The following LRP1B variants were observed in gnomAD, a reference collection of about 807,000 sequenced individuals.
LRP1B encodes the protein low-density lipoprotein receptor-related protein 1B.
In LRP1B, 217 loss-of-function variants were observed where a neutral mutation model predicts 556.6. The observed-to-expected ratio is 0.39, with a 90% CI of 0.35 to 0.44. The LOEUF (loss-of-function observed/expected upper bound fraction) is 0.44, where lower values mean the gene tolerates loss of function less well. Among genes scored for constraint, LRP1B ranks in the 20% least tolerant of loss-of-function variants. The probability of loss-of-function intolerance (pLI) is 1.00; values close to 1 mark genes in which losing one functional copy is unlikely to be tolerated. For synonymous variants in LRP1B, 2,047 were observed against 1,865.8 expected (o/e 1.10, Z -2.50); for missense variants, 5,053 against 5,620.8 (o/e 0.90, Z 3.23).
At chr2:141,261,184 G>A (rs547449805) in intron 3 of LRP1B, among the ~76,000 whole-genome samples, 109 of 152,194 alleles carry the variant, frequency 7.2e-4, no homozygotes, top group Non-Finnish European at 1.4e-3. Flanking sequence ...AGTGTGAGCT[G>A]GTTTGCAGAG....
chr2:140,902,104 T>C (rs960029692), intron 23 of LRP1B, among the ~76,000 whole-genome samples: 9 of 152,298 alleles, frequency 5.9e-5, no homozygotes, highest in African/African-American at 2.2e-4. Context: ...AATGGAAAGA[T>C]ATGCTAACTT....
At chr2:140,944,378 A>G (rs1424405090) in intron 20 of LRP1B, among the ~76,000 whole-genome samples, 1 of 152,132 alleles carries the variant, frequency 6.6e-6, no homozygotes, top group Non-Finnish European at 1.5e-5. Context: ...AAGCTATTCC[A>G]AAAAACTGCA....
chr2:141,308,845 C>A (rs1181892440), intron 3 of LRP1B, among the ~76,000 whole-genome samples: 4 of 152,020 alleles, frequency 2.6e-5, no homozygotes, highest in Non-Finnish European at 5.9e-5. Flanking sequence ...ACCAAATAGC[C>A]TTTTTGTCCC....
At chr2:141,041,553 T>G (rs1369666729) in intron 11 of LRP1B, among the ~76,000 whole-genome samples, 1 of 152,056 alleles carries the variant, frequency 6.6e-6, no homozygotes, top group African/African-American at 2.4e-5. Context: ...TAAATTTCCT[T>G]GTGATTACAT....
At chr2:142,032,189 C>T (rs1703734413) in intron 1 of LRP1B, among the ~76,000 whole-genome samples, 1 of 151,836 alleles carries the variant, frequency 6.6e-6, no homozygotes. Flanking sequence ...CAGGTAGAAA[C>T]CAACTCATCT....
intron 1 of LRP1B, among the ~76,000 whole-genome samples, chr2:141,976,417 A>T (rs1282648655): frequency 6.6e-6 from 1 of 152,138 alleles, no homozygotes; most frequent in East Asian, 1.9e-4. Flanking sequence ...TCATTTACTC[A>T]AATTTCAATT....
chr2:141,671,557 G>A (rs1444424065), intron 2 of LRP1B, among the ~76,000 whole-genome samples: 1 of 152,090 alleles, frequency 6.6e-6, no homozygotes, highest in Non-Finnish European at 1.5e-5. Flanking sequence ...CTAAGGGTGG[G>A]GATTGGGTGT....
At chr2:140,645,756 T>G (rs1008243185) in intron 41 of LRP1B, among the ~76,000 whole-genome samples, 17 of 151,852 alleles carry the variant, frequency 1.1e-4, no homozygotes, top group Non-Finnish European at 2.5e-4. Context: ...GCCAGGATGG[T>G]CTTGATCTCC....
chr2:141,822,122 C>CAGAGAGAGAGAG (rs1427035383), intron 1 of LRP1B, among the ~76,000 whole-genome samples: 102 of 106,290 alleles, frequency 9.6e-4, no homozygotes, highest in Admixed American at 1.0e-3. Flanking sequence ...CACACACACA[C>CAGAGAGAGAGAG]ACACACACAG....
intron 2 of LRP1B, among the ~76,000 whole-genome samples, chr2:141,538,845 G>A (rs1389672743): frequency 6.6e-6 from 1 of 151,998 alleles, no homozygotes; most frequent in East Asian, 1.9e-4. Context: ...CCTCATGTTG[G>A]CCAGGCTGGT....
intron 23 of LRP1B, among the ~76,000 whole-genome samples, chr2:140,894,037 T>G (rs967061285): frequency 2.0e-5 from 3 of 152,116 alleles, no homozygotes; most frequent in African/African-American, 7.2e-5. Flanking sequence ...ACTATTAAAA[T>G]CCGGATGGAA....
At chr2:140,668,829 A>G (rs1685379825) in intron 41 of LRP1B, among the ~76,000 whole-genome samples, 1 of 152,236 alleles carries the variant, frequency 6.6e-6, no homozygotes, top group African/African-American at 2.4e-5. Flanking sequence ...GCACTTATAC[A>G]AAGAAAAATA....
intron 84 of LRP1B, among the ~76,000 whole-genome samples, chr2:140,280,925 A>T (rs2104965219): frequency 6.6e-6 from 1 of 151,958 alleles, no homozygotes; most frequent in South Asian, 2.1e-4. Flanking sequence ...CTGTTAGGGT[A>T]ATTACACTAA....
At chr2:141,153,022 A>G (rs967404054) in intron 7 of LRP1B, among the ~76,000 whole-genome samples, 1 of 150,420 alleles carries the variant, frequency 6.6e-6, no homozygotes, top group Admixed American at 6.7e-5. Flanking sequence ...ACAAAAGATG[A>G]TCATATGAAA....
intron 7 of LRP1B, among the ~76,000 whole-genome samples, chr2:141,124,035 G>A (rs1701134245): frequency 6.6e-6 from 1 of 152,066 alleles, no homozygotes; most frequent in South Asian, 2.1e-4. Context: ...GAGAATATGA[G>A]AGAAGTGAGA....
intron 1 of LRP1B, among the ~76,000 whole-genome samples, chr2:141,855,239 T>G (rs1456897017): frequency 6.6e-6 from 1 of 152,012 alleles, no homozygotes; most frequent in Non-Finnish European, 1.5e-5. Context: ...GAAGCAGATG[T>G]AACAGGTTTC....
At chr2:141,760,260 C>A (rs1191293859) in intron 2 of LRP1B, among the ~76,000 whole-genome samples, 3 of 152,148 alleles carry the variant, frequency 2.0e-5, no homozygotes, top group East Asian at 3.9e-4. Flanking sequence ...GATGGTACAA[C>A]CATTTGATGG....
chr2:140,722,401 AT>A (rs1266616009), intron 35 of LRP1B, among the ~76,000 whole-genome samples: 1 of 152,152 alleles, frequency 6.6e-6, no homozygotes, highest in Admixed American at 6.5e-5. Context: ...GATAGGGTTT[AT>A]TTTAATGCAT....
At chr2:141,642,559 C>G (rs1689375983) in intron 2 of LRP1B, among the ~76,000 whole-genome samples, 1 of 152,064 alleles carries the variant, frequency 6.6e-6, no homozygotes, top group African/African-American at 2.4e-5. Flanking sequence ...TATAGACCTT[C>G]TTAAATCACT....
Sources: gnomAD v4.1 joint callset for allele counts (sites outside exome capture counted in the v4.1 genomes callset) on GRCh38, gnomAD v4.1.1 for gene constraint, MANE v1.5 for transcripts, NCBI Gene and HGNC (gene_info 2026-07-23, HGNC 2026-07-21) for gene names.